Variants in CACNG7 observed in about 807,000 individuals in gnomAD.
CACNG7 encodes voltage-dependent calcium channel gamma-7 subunit.
CACNG7 carries 9 observed loss-of-function variants against 26.3 expected under a neutral mutation model. The ratio of observed to expected loss-of-function variants is 0.34; its 90% CI spans 0.21 to 0.60. The LOEUF is 0.60. CACNG7 is among the 20% of genes least tolerant of loss of function. The probability of loss-of-function intolerance (pLI) is 0.81; values close to 1 mark genes in which losing one functional copy is unlikely to be tolerated. For synonymous variants in CACNG7, 170 were observed against 157.0 expected, an observed-to-expected ratio of 1.08 and a Z score of -0.62; for missense variants, 297 against 380.4, an observed-to-expected ratio of 0.78 and a Z score of 1.82.
chr19:53,920,781 C>T (rs2068940276), intron 4 of CACNG7, among the ~76,000 whole-genome samples: 2 of 103,554 alleles, frequency 1.9e-5, no homozygotes, highest in Non-Finnish European at 3.7e-5. Flanking sequence ...TGGAGTTGCC[C>T]CAGGCTGGTC....
chr19:53,937,134 C>T (rs978471853), intron 4 of CACNG7, among the ~76,000 whole-genome samples: 6 of 152,320 alleles, frequency 3.9e-5, no homozygotes, highest in African/African-American at 1.4e-4. Context: ...AAGTGATCTG[C>T]CCACCTCGGC....
rs1481879908 is a variant in CACNG7 at position 53,912,748 on chromosome 19, G to A, written c.-29-55G>A. 31 of 1,431,356 alleles carry A rather than the reference G, an allele frequency of 2.2e-5. No individual in the cohort carries two copies. In the Admixed American group the frequency reaches 4.9e-4, roughly 22 times the overall value. The allele number at this position is 1,431,356 out of a possible 1,614,324, so 88.7% of individuals were successfully genotyped here. A position where few individuals can be genotyped will look rare whatever the true frequency, so the allele number is the denominator to read the frequency against. On this transcript the variant is annotated intron_variant, in intron 1 of 5. Transcript: ENST00000391767. This position sits in a 1 kb window ranked among gnomAD's most constrained non-coding sequence, Gnocchi z 4.6. ...CCAGCATCCCGGGTTGCTGCATGGGGTCAAGCACTCTGGTCGGTCCCATGG... is the reference window on the plus strand; with the variant it reads ...CCAGCATCCCGGGTTGCTGCATGGGATCAAGCACTCTGGTCGGTCCCATGG...
chr19:53,933,162 C>T (rs1215905845), intron 4 of CACNG7, among the ~76,000 whole-genome samples: 1 of 151,752 alleles, frequency 6.6e-6, no homozygotes, highest in Non-Finnish European at 1.5e-5. Flanking sequence ...GGCTGGAGTG[C>T]AGTGGTGCAA....
At chr19:53,920,104 G>T (rs1024006913) in intron 4 of CACNG7, among the ~76,000 whole-genome samples, 2 of 123,148 alleles carry the variant, frequency 1.6e-5, no homozygotes, top group Non-Finnish European at 3.3e-5. Context: ...GTCATTGGTG[G>T]AGTTGCCCCA....
intron 4 of CACNG7, among the ~76,000 whole-genome samples, chr19:53,935,632 G>GTGTTTT: frequency 3.6e-5 from 1 of 27,570 alleles, no homozygotes; most frequent in Non-Finnish European, 7.0e-5. Context: ...CTCCAATACT[G>GTGTTTT]TCTTTTTTTT....
intron 4 of CACNG7, among the ~76,000 whole-genome samples, chr19:53,934,466 G>A (rs2069092680): frequency 6.6e-6 from 1 of 152,122 alleles, no homozygotes; most frequent in Admixed American, 6.6e-5. Flanking sequence ...GAAAAGGTAG[G>A]TTTTTCTTTT....
At chr19:53,913,805 A>G (rs554678870) in intron 2 of CACNG7, among the ~76,000 whole-genome samples, 15 of 151,376 alleles carry the variant, frequency 9.9e-5, no homozygotes, top group East Asian at 3.9e-4. Flanking sequence ...AAAAAAAAAA[A>G]AAAGAAAATC....
rs75459046 is a variant in CACNG7 at position 53,922,957 on chromosome 19, C to T, written c.424+7452C>T. 2.8e-3 allele frequency among the ~76,000 whole-genome samples: 204 copies of T among 73,726 alleles called. 4 individuals carry two copies. Among genetic ancestry groups the T allele is most frequent in the African/African-American group, 0.016 (125 of 7,832 alleles). The allele number at this position is 73,726 out of a possible 152,430, so 48.4% of individuals were successfully genotyped here. A position where few individuals can be genotyped will look rare whatever the true frequency, so the allele number is the denominator to read the frequency against. ...CCAGGTCTGGTCATTGGTGGAGTTG[C>T]CCCAGGTCTGGTCATTGGTGGAGTT... On this transcript the variant is annotated intron_variant, in intron 4 of 5. Coordinates refer to ENST00000391767, the MANE Select transcript of CACNG7 (RefSeq NM_031896.5).
rs2069137181 is a variant in CACNG7 at position 53,941,519 on chromosome 19, C to T, written c.474C>T (p.Asp158=). Residue 158 remains aspartate (D), a synonymous_variant, in exon 5 of 6, where the codon GAC becomes GAT. Coordinates refer to ENST00000391767, the MANE Select transcript of CACNG7 (RefSeq NM_031896.5). The part of the protein sequence containing the change: ...GLVLYISSIN[D]EVMNRPSSSE... The stretch of plus-strand genomic sequence containing the variant: ...TTCTTTACATCTCCAGCATCAACGA[C>T]GAGGTCATGAACAGGCCCAGCAGCT... 6.9e-6 allele frequency: 11 copies of T among 1,598,682 alleles called. No individual in the cohort carries two copies. The highest frequency in any genetic ancestry group is 1.8e-5 in the Admixed American group (1 of 55,774).
intron 4 of CACNG7, among the ~76,000 whole-genome samples, chr19:53,920,422 G>C (rs1190887299): frequency 1.0e-5 from 1 of 95,334 alleles, no homozygotes; most frequent in Non-Finnish European, 2.0e-5. Context: ...TCTGGTCATT[G>C]GTGGACTTGC....
chr19:53,932,426 T>C (rs1284221149), intron 4 of CACNG7, among the ~76,000 whole-genome samples: 2 of 152,120 alleles, frequency 1.3e-5, no homozygotes, highest in Admixed American at 6.6e-5. Flanking sequence ...TTAAAGCCAG[T>C]CTCAGACATC....
At chr19:53,915,536 A>T (rs758819298) in intron 4 of CACNG7, 31 bp downstream of exon 4, 2 of 1,610,204 alleles carry the variant, frequency 1.2e-6, no homozygotes, top group Non-Finnish European at 1.7e-6. Context: ...GTTGGGGGGG[A>T]CCATTTCCAG....
In CACNG7 at chr19:53,942,718, C is replaced by T; in HGVS notation, c.*425C>T. ...GGGCTGGAGAGCAGGTTCGGGCAGC[C>T]GTCGGGAATACCGACCATCCTCTTC... On this transcript the variant is annotated 3_prime_UTR_variant, in exon 6 of 6. Transcript: ENST00000391767. This position sits in a 1 kb window ranked among gnomAD's most constrained non-coding sequence, Gnocchi z 5.9. 1 of 316,222 alleles carries T rather than the reference C, an allele frequency of 3.2e-6. No individual in the cohort carries two copies. The highest frequency in any genetic ancestry group is 1.1e-4 in the South Asian group (1 of 8,802). 19.6% of individuals were successfully genotyped at this position (316,222 alleles called of 1,614,324 possible).
chr19:53,933,368 C>T (rs954301836), intron 4 of CACNG7, among the ~76,000 whole-genome samples: 2 of 147,534 alleles, frequency 1.4e-5, no homozygotes, highest in African/African-American at 2.5e-5. Flanking sequence ...GGTGCGGTCT[C>T]GGCTCGCTGC....
At chr19:53,927,838 C>CAG (rs1555811370) in intron 4 of CACNG7, among the ~76,000 whole-genome samples, 7 of 110,584 alleles carry the variant, frequency 6.3e-5, no homozygotes, top group African/African-American at 2.1e-4. Flanking sequence ...AACTCCATCT[C>CAG]AAAAAAAAAA....
intron 4 of CACNG7, among the ~76,000 whole-genome samples, chr19:53,922,401 CCTGGTCATTGGTGGAGTTGTCCCAGGT>C (rs1568775370): frequency 2.4e-4 from 22 of 93,492 alleles, no homozygotes; most frequent in African/African-American, 8.8e-4. Flanking sequence ...TGTCCCCAGG[CCTGGTCATTGGTGGAGTTGTCCCAGGT>C]CTGGTCATTG....
At chr19:53,919,792 GC>G (rs2068925740) in intron 4 of CACNG7, among the ~76,000 whole-genome samples, 1 of 136,920 alleles carries the variant, frequency 7.3e-6, no homozygotes, top group African/African-American at 2.9e-5. Context: ...TGGTGGACTT[GC>G]CCCAGGCCCG....
At chr19:53,929,656 C>T (rs1252631334) in intron 4 of CACNG7, among the ~76,000 whole-genome samples, 1 of 152,038 alleles carries the variant, frequency 6.6e-6, no homozygotes, top group African/African-American at 2.4e-5. Context: ...AGGGTTTCAC[C>T]ATGTTGGCCA....
chr19:53,937,235 T>A (rs2145919114), intron 4 of CACNG7, among the ~76,000 whole-genome samples: 1 of 152,252 alleles, frequency 6.6e-6, no homozygotes, highest in Admixed American at 6.5e-5. Context: ...AATCAGCCTG[T>A]GCATGTGTGG....
Sources: allele counts gnomAD v4.1 joint callset (sites outside exome capture counted in the v4.1 genomes callset), GRCh38; gene constraint gnomAD v4.1.1; non-coding constraint Gnocchi (gnomAD v3.1); transcripts MANE v1.5; gene names NCBI Gene and HGNC (gene_info 2026-07-23, HGNC 2026-07-21).